Variants in NAV1 observed in about 807,000 individuals in gnomAD.
The protein encoded by NAV1 is neuron navigator 1.
A neutral mutation model predicts 175.2 loss-of-function variants in NAV1; 18 were observed. The ratio of observed to expected loss-of-function variants is 0.10; its 90% confidence interval spans 0.07 to 0.15. The LOEUF is 0.15. NAV1 is among the 10% of genes least tolerant of loss of function. The pLI is 1.00. For synonymous variants in NAV1, 897 were observed against 978.7 expected, an observed-to-expected ratio of 0.92 and a Z score of 1.56; for missense variants, 1,731 against 2,436.6, an observed-to-expected ratio of 0.71 and a Z score of 6.10.
intron 8 of NAV1, among the ~76,000 whole-genome samples, chr1:201,785,938 G>A (rs768507496): frequency 1.3e-5 from 2 of 151,894 alleles, no homozygotes; most frequent in Non-Finnish European, 2.9e-5. Context: ...GGTTATAGGT[G>A]TGCACCACCA....
intron 1 of NAV1, among the ~76,000 whole-genome samples, chr1:201,581,419 CTG>C (rs1357396026): frequency 6.6e-6 from 1 of 152,186 alleles, no homozygotes; most frequent in East Asian, 1.9e-4. Context: ...GCTGTGTTGA[CTG>C]TGCGGAGTCT....
chr1:201,602,820 G>T (rs1010443469), intron 2 of NAV1, among the ~76,000 whole-genome samples: 1 of 151,938 alleles, frequency 6.6e-6, no homozygotes, highest in Non-Finnish European at 1.5e-5. Context: ...TCACACTCCT[G>T]CTGACTTTCA....
At chr1:201,588,629 A>G (rs1447355832) in exon 2 of NAV1, among the ~76,000 whole-genome samples, 1 of 151,848 alleles carries the variant, frequency 6.6e-6, no homozygotes, top group Non-Finnish European at 1.5e-5. Flanking sequence ...CTGGGATTAC[A>G]GGTGTGAGCC....
At chr1:201,559,481 G>A (rs1666132461) in intron 1 of NAV1, among the ~76,000 whole-genome samples, 1 of 152,108 alleles carries the variant, frequency 6.6e-6, no homozygotes, top group African/African-American at 2.4e-5. Context: ...CTGGGAGCAG[G>A]GTTTTGATGG....
chr1:201,670,761 C>T lies in NAV1; in HGVS notation c.757+21336C>T, dbSNP rs551258173. ...TGTTTTGGTGATGGTGGTGGAGATG[C>T]TGGTGGTGTTTTGGTGTTGGTGGTA... On this transcript the variant is annotated intron_variant, in intron 1 of 29. Transcript: ENST00000367296. 5.9e-4 allele frequency among the ~76,000 whole-genome samples: 88 copies of T among 149,472 alleles called. 1 individual carries two copies. Among genetic ancestry groups the T allele is most frequent in the African/African-American group, 2.1e-3 (84 of 40,554 alleles).
rs1043158871 is a variant in NAV1, at chr1:201,730,036, G to A, written c.1226+11281G>A. ...GCCATCATCTATGGCCAACTATTCC[G>A]CCTGGGTGGTGATGTCCAGTTGCCC... On this transcript the variant is annotated intron_variant, in intron 3 of 29. Coordinates refer to ENST00000367296, the Ensembl canonical transcript of NAV1. 2.3e-4 allele frequency among the ~76,000 whole-genome samples: 35 copies of A among 152,114 alleles called. 1 individual carries two copies. Among genetic ancestry groups the A allele is most frequent in the Admixed American group, 1.1e-3 (17 of 15,284 alleles).
chr1:201,717,829 G>A (rs547180794), intron 2 of NAV1, among the ~76,000 whole-genome samples: 43 of 152,326 alleles, frequency 2.8e-4, no homozygotes, highest in Admixed American at 5.9e-4. Flanking sequence ...TGATGTTTGG[G>A]AATCAGCTAG....
intron 1 of NAV1, among the ~76,000 whole-genome samples, chr1:201,700,638 A>G (rs1201169925): frequency 6.6e-6 from 1 of 152,238 alleles, no homozygotes; most frequent in African/African-American, 2.4e-5. Context: ...ATGCACACAT[A>G]TGTTTATTGT....
chr1:201,648,170 G>C (rs1669039906), upstream of NAV1: 3 of 897,178 alleles, frequency 3.3e-6, no homozygotes, highest in Admixed American at 6.3e-5. Flanking sequence ...TCCTCTGCTC[G>C]GAGCTGCAGC....
rs151228202 is a variant in NAV1 at position 201,635,101 on chromosome 1, C to T, written c.4+5594C>T. 7.5e-3 allele frequency among the ~76,000 whole-genome samples: 1,142 copies of T among 152,238 alleles called. 17 individuals are homozygous for T. Among genetic ancestry groups the T allele is most frequent in the African/African-American group, 0.026 (1,077 of 41,538 alleles). ...TCACCCAGGCTGGAGTGCAGTGGCA[C>T]GATCTCAGCTCACTGCAAGCTCCGC... On this transcript the variant is annotated intron_variant, in intron 2 of 29. Transcript: ENST00000367302.
chr1:201,703,052 A>C (rs1306971608), intron 1 of NAV1, among the ~76,000 whole-genome samples: 1 of 152,080 alleles, frequency 6.6e-6, no homozygotes, highest in Non-Finnish European at 1.5e-5. Context: ...ATTGTCATCC[A>C]CACCTGGACT....
intron 1 of NAV1, among the ~76,000 whole-genome samples, chr1:201,689,172 A>G (rs1253058937): frequency 6.6e-6 from 1 of 152,218 alleles, no homozygotes; most frequent in African/African-American, 2.4e-5. Context: ...TAATTTAGTC[A>G]TATTGAAGGC....
intron 1 of NAV1, among the ~76,000 whole-genome samples, chr1:201,684,633 C>T (rs1670604276): frequency 6.6e-6 from 1 of 151,708 alleles, no homozygotes; most frequent in South Asian, 2.1e-4. Flanking sequence ...TGCCACCACG[C>T]CTGGCTAATT....
intron 1 of NAV1, among the ~76,000 whole-genome samples, chr1:201,575,136 G>A (rs1666659520): frequency 6.6e-6 from 1 of 152,200 alleles, no homozygotes; most frequent in African/African-American, 2.4e-5. Flanking sequence ...ACTTTTCTTT[G>A]TTCTGATGTG....
chr1:201,694,505 G>T lies in NAV1; in HGVS notation c.758-18312G>T, dbSNP rs533041266. On this transcript the variant is annotated intron_variant, in intron 1 of 29. Coordinates refer to ENST00000367296, the Ensembl canonical transcript of NAV1. The surrounding 1 kb of genome is among the most constrained non-coding windows in gnomAD (Gnocchi z 4.2). ...GGCTTCTTGCCCTGAGTTAGGCTGG[G>T]GATCATTTGCAGGGAGAATGCAGCC... Among the ~76,000 whole-genome samples, 6 of 152,164 alleles carry T rather than the reference G, an allele frequency of 3.9e-5. No homozygotes were observed. Among genetic ancestry groups the T allele is most frequent in the Non-Finnish European group, 7.3e-5 (5 of 68,034 alleles).
chr1:201,670,665 T>TA (rs893236843), intron 1 of NAV1, among the ~76,000 whole-genome samples: 2 of 151,588 alleles, frequency 1.3e-5, no homozygotes, highest in Non-Finnish European at 2.9e-5. Flanking sequence ...GATGATGTGG[T>TA]AATGCTTTCT....
intron 3 of NAV1, chr1:201,724,858 A>G (rs564627573): frequency 6.5e-6 from 1 of 152,676 alleles, no homozygotes; most frequent in East Asian, 1.9e-4. Context: ...GTCCTCTTGA[A>G]CTGTGCTTGG....
At chr1:201,786,623 T>A in intron 9 of NAV1, 46 bp downstream of exon 13, 1 of 1,580,820 alleles carries the variant, frequency 6.3e-7, no homozygotes, top group South Asian at 1.2e-5. Flanking sequence ...GAAGCAGGGG[T>A]CACCCTGCAG....
intron 1 of NAV1, among the ~76,000 whole-genome samples, chr1:201,678,232 A>C (rs1048619379): frequency 1.3e-5 from 2 of 152,222 alleles, no homozygotes; most frequent in Non-Finnish European, 2.9e-5. Context: ...GTTTGTGGAA[A>C]TACTAGAACA....
Sources: gnomAD v4.1 joint callset for allele counts (sites outside exome capture counted in the v4.1 genomes callset) on GRCh38, gnomAD v4.1.1 for gene constraint, Gnocchi (gnomAD v3.1) non-coding constraint, MANE v1.5 for transcripts, NCBI Gene and HGNC (gene_info 2026-07-23, HGNC 2026-07-21) for gene names.